The following TMEM14B variants were observed in gnomAD, a reference collection of about 807,000 sequenced individuals.
The protein encoded by TMEM14B is transmembrane protein 14B.
A neutral mutation model predicts 14.8 loss-of-function variants in TMEM14B; 9 were observed. The ratio of observed to expected loss-of-function variants is 0.61; its 90% CI spans 0.37 to 1.06. TMEM14B has a LOEUF of 1.06. TMEM14B is among the 50% of genes least tolerant of loss of function. The pLI is 0.01. For synonymous variants in TMEM14B, 40 were observed against 51.3 expected (o/e 0.78, Z 0.94); for missense variants, 128 against 143.6 (o/e 0.89, Z 0.56).
Position 10,755,250 on chromosome 6 carries a change from C to G in TMEM14B, c.293+18C>G, listed in dbSNP as rs1381529806. 6.2e-7 allele frequency: 1 copy of G among 1,614,080 alleles called. No individual in the cohort carries two copies. Among genetic ancestry groups the G allele is most frequent in the Non-Finnish European group, 8.5e-7 (1 of 1,180,014 alleles). The stretch of plus-strand genomic sequence containing the variant: ...GGTGCCAGGTACTTTCATTCTATTA[C>G]TCTTCTTTACCATGTAGAGTTCAGT... On this transcript the variant is annotated intron_variant, in intron 5 of 5. Transcript: ENST00000379542.
chr6:10,751,670 G>GTT (rs2127494819), intron 4 of TMEM14B, among the ~76,000 whole-genome samples: 1 of 152,174 alleles, frequency 6.6e-6, no homozygotes, highest in South Asian at 2.1e-4. Flanking sequence ...CACGTATCTG[G>GTT]GTTAGGTTTG....
downstream of TMEM14B, among the ~76,000 whole-genome samples, chr6:10,757,211 A>G (rs1370065564): frequency 6.6e-6 from 1 of 152,184 alleles, no homozygotes; most frequent in African/African-American, 2.4e-5. Context: ...TCTGTCACCT[A>G]GGCTGGAGGG....
rs73440111 is a variant in TMEM14B at position 10,755,385 on chromosome 6, C to T, written c.293+153C>T. ...ACACTAATAGGAGATGCTTCAAAAA[C>T]AATAGTTGATTTAATGTCAAATGAC... is the stretch of plus-strand genomic sequence containing the variant. On this transcript the variant is annotated intron_variant, in intron 5 of 5. Coordinates refer to ENST00000379542, the MANE Select transcript of TMEM14B (RefSeq NM_030969.5). 279 of 1,520,952 alleles carry T rather than the reference C, an allele frequency of 1.8e-4. No homozygotes were observed. The African/African-American group carries it at 3.3e-3, about 18-fold the overall frequency. 94.2% of individuals were successfully genotyped at this position (1,520,952 alleles called of 1,614,324 possible). A position where few individuals can be genotyped will look rare whatever the true frequency, so the allele number is the denominator to read the frequency against.
Position 10,756,777 on chromosome 6 carries a change from A to G in TMEM14B, c.*259A>G. The G allele has an allele frequency of 9.2e-7, 1 of 1,090,440 alleles. No individual in the cohort carries two copies. The highest frequency in any genetic ancestry group is 1.1e-6 in the Non-Finnish European group (1 of 897,484). The allele number at this position is 1,090,440 out of a possible 1,614,324, so 67.5% of individuals were successfully genotyped here. ...GTATATTGATTTTATCTCTTTCTGT[A>G]TCTATAGGTAAATCTCAAGGGTAAA... On this transcript the variant is annotated 3_prime_UTR_variant, in exon 6 of 6. Transcript: ENST00000379542.
At chr6:10,749,599 A>T (rs779009200) in intron 2 of TMEM14B, 23 bp from the exon 3 acceptor site, 1 of 1,613,814 alleles carries the variant, frequency 6.2e-7, no homozygotes, top group East Asian at 2.2e-5. Flanking sequence ...CTGACTTCTC[A>T]CTGACTTCTC....
At chr6:10,752,509 T>C (rs1771629927) in intron 4 of TMEM14B, among the ~76,000 whole-genome samples, 1 of 142,030 alleles carries the variant, frequency 7.0e-6, no homozygotes, top group Non-Finnish European at 1.5e-5. Flanking sequence ...CAGGCTAGAG[T>C]GCAGTGGCGC....
chr6:10,755,397 T>C, intron 5 of TMEM14B, 165 bp downstream of exon 5: 1 of 1,510,826 alleles, frequency 6.6e-7, no homozygotes. Flanking sequence ...ATAGTTGATT[T>C]AATGTCAAAT....
chr6:10,754,704 C>G (rs556677897), intron 4 of TMEM14B, among the ~76,000 whole-genome samples: 3 of 152,164 alleles, frequency 2.0e-5, no homozygotes, highest in African/African-American at 4.8e-5. Flanking sequence ...AAGACAGTTA[C>G]GATTACTTTT....
At chr6:10,757,396 T>A (rs952960187), downstream of TMEM14B, among the ~76,000 whole-genome samples, 1 of 152,284 alleles carries the variant, frequency 6.6e-6, no homozygotes, top group South Asian at 2.1e-4. Flanking sequence ...CCTGGTCTCA[T>A]GCGATTCTCT....
chr6:10,749,664 T>A lies in TMEM14B; in HGVS notation c.66T>A (p.Val22=). ...TTGGCTTTGGCTACACAGCACTGGT[T>A]GTTTCTGGTGGGATCGTTGGCTATG... ...HWFGFGYTAL[V]VSGGIVGYVK... Residue 22 remains valine, a synonymous_variant, in exon 3 of 6, where the codon GTT becomes GTA. Coordinates refer to ENST00000379542, the MANE Select transcript of TMEM14B (RefSeq NM_030969.5). The A allele has an allele frequency of 6.2e-7, 1 of 1,614,230 alleles. No individual in the cohort carries two copies. The highest frequency in any genetic ancestry group is 1.1e-5 in the South Asian group (1 of 91,086).
chr6:10,751,034 T>A lies in TMEM14B; in HGVS notation c.101-99T>A, dbSNP rs1581611785. 1.5e-5 allele frequency: 22 copies of A among 1,429,300 alleles called. No individual in the cohort carries two copies. In the East Asian group the frequency reaches 4.9e-4, roughly 32 times the overall value. 88.5% of individuals were successfully genotyped at this position (1,429,300 alleles called of 1,614,324 possible). A position where few individuals can be genotyped will look rare whatever the true frequency, so the allele number is the denominator to read the frequency against. On this transcript the variant is annotated intron_variant, in intron 3 of 5. Transcript: ENST00000379542. ...CCTTGGCTGTGAGCTGTGTTGAGAG[T>A]TCTTTGTGCTGTCCTTTGTAGGGCA...
intron 5 of TMEM14B, chr6:10,755,610 C>G (rs1465400682): frequency 4.0e-6 from 5 of 1,237,482 alleles, no homozygotes; most frequent in Admixed American, 7.8e-5. Context: ...TGATTGAATC[C>G]TGTTTTCTAA....
chr6:10,750,755 G>T (rs1169047327), intron 3 of TMEM14B, among the ~76,000 whole-genome samples: 1 of 151,996 alleles, frequency 6.6e-6, no homozygotes, highest in African/African-American at 2.4e-5. Context: ...AGCTAAGGAA[G>T]AGTCAATTCA....
At chr6:10,748,517 T>A (rs1169366171) in intron 1 of TMEM14B, among the ~76,000 whole-genome samples, 2 of 152,182 alleles carry the variant, frequency 1.3e-5, no homozygotes, top group South Asian at 2.1e-4. Flanking sequence ...CCTCCCAAAG[T>A]ACTGGGATTA....
intron 5 of TMEM14B, 33 bp from the exon 6 acceptor site, chr6:10,756,434 C>T: frequency 6.2e-7 from 1 of 1,611,922 alleles, no homozygotes; most frequent in South Asian, 1.1e-5. Context: ...CTATCCTTTA[C>T]CTGATGTTTT....
At position 10,747,898 on chromosome 6, in the gene TMEM14B, G is replaced by A. The variant is rs891154601; in HGVS notation, c.-45+17G>A. On this transcript the variant is annotated intron_variant, in intron 1 of 5. Coordinates refer to ENST00000379542, the MANE Select transcript of TMEM14B (RefSeq NM_030969.5). ...CTTCGGCAGGTCGGTGCAGGTCTTT[G>A]GAGAGTATTGTTTTTATTTTCTGCC... The A allele has an allele frequency of 5.9e-5, 9 of 152,312 alleles. No homozygotes were observed. Among genetic ancestry groups the A allele is most frequent in the African/African-American group, 2.2e-4 (9 of 41,478 alleles). 9.4% of individuals were successfully genotyped at this position (152,312 alleles called of 1,614,324 possible). A position where few individuals can be genotyped will look rare whatever the true frequency, so the allele number is the denominator to read the frequency against.
downstream of TMEM14B, among the ~76,000 whole-genome samples, chr6:10,757,853 T>TG (rs1378907034): frequency 6.6e-6 from 1 of 152,020 alleles, no homozygotes; most frequent in Non-Finnish European, 1.5e-5. Context: ...TAGCTGGGTG[T>TG]GGTGGCTCAT....
intron 2 of TMEM14B, 60 bp from the exon 3 acceptor site, chr6:10,749,562 T>C: frequency 1.3e-6 from 2 of 1,574,352 alleles, no homozygotes; most frequent in Non-Finnish European, 1.7e-6. Context: ...TATGACAATA[T>C]GGTTTGTTTT....
At chr6:10,754,467 G>A (rs886102600) in intron 4 of TMEM14B, among the ~76,000 whole-genome samples, 3 of 152,136 alleles carry the variant, frequency 2.0e-5, no homozygotes, top group Non-Finnish European at 4.4e-5. Flanking sequence ...GCCTGGAAAG[G>A]GCATTCCCAT....
Sources: allele counts gnomAD v4.1 joint callset (sites outside exome capture counted in the v4.1 genomes callset), GRCh38; gene constraint gnomAD v4.1.1; transcripts MANE v1.5; gene names NCBI Gene and HGNC (gene_info 2026-07-23, HGNC 2026-07-21).